The following RANBP17 variants were observed in gnomAD, a reference collection of about 807,000 sequenced individuals.
RANBP17 encodes ran-binding protein 17.
A neutral mutation model predicts 141.2 loss-of-function variants in RANBP17; 158 were observed. The ratio of observed to expected loss-of-function variants is 1.12; its 90% CI spans 0.98 to 1.28. The LOEUF is 1.28. RANBP17 is among the 50% of genes most tolerant of loss of function. The pLI is 0.00. For synonymous variants in RANBP17, 430 were observed against 450.0 expected, an observed-to-expected ratio of 0.96 and a Z score of 0.56; for missense variants, 1,438 against 1,290.7, an observed-to-expected ratio of 1.11 and a Z score of -1.75.
chr5:171,023,235 C>T (rs1781001604), intron 14 of RANBP17, among the ~76,000 whole-genome samples: 1 of 152,218 alleles, frequency 6.6e-6, no homozygotes, highest in African/African-American at 2.4e-5. Flanking sequence ...TGGCCCTGCC[C>T]CCAATATGCA....
At chr5:170,992,821 C>T (rs1778593576) in intron 14 of RANBP17, among the ~76,000 whole-genome samples, 1 of 151,916 alleles carries the variant, frequency 6.6e-6, no homozygotes, top group South Asian at 2.1e-4. Flanking sequence ...GTAGTGGCCT[C>T]AAACTGAGGT....
chr5:171,149,690 A>G (rs1484927931), intron 14 of RANBP17, among the ~76,000 whole-genome samples: 45 of 152,202 alleles, frequency 3.0e-4, no homozygotes, highest in Admixed American at 6.5e-5. Context: ...GTTTGCATCT[A>G]TCTATATTAA....
chr5:171,111,014 C>G (rs181960997), intron 14 of RANBP17, among the ~76,000 whole-genome samples: 2 of 151,884 alleles, frequency 1.3e-5, no homozygotes, highest in African/African-American at 4.8e-5. Context: ...CTCCCCTCTC[C>G]CCCCACCCCA....
At chr5:171,245,833 C>T (rs1765178280) in intron 24 of RANBP17, among the ~76,000 whole-genome samples, 1 of 150,622 alleles carries the variant, frequency 6.6e-6, no homozygotes, top group Non-Finnish European at 1.5e-5. Context: ...TGGCCTATTG[C>T]TTTTCAGTGG....
rs192470970 is a variant in RANBP17 at position 171,020,628 on chromosome 5, T to C, written c.1710+52251T>C. Among the ~76,000 whole-genome samples, 540 of 152,144 alleles carry C rather than the reference T, an allele frequency of 3.5e-3. 1 individual carries two copies. Among genetic ancestry groups the C allele is most frequent in the African/African-American group, 0.013 (524 of 41,474 alleles). On this transcript the variant is annotated intron_variant, in intron 14 of 27. Coordinates refer to ENST00000523189, the MANE Select transcript of RANBP17 (RefSeq NM_022897.5). ...TTTTTCTTGCTTTCCATTTGCTTGG[T>C]AAATTTTCCTCCATCCCTTTATCTT...
chr5:171,143,180 T>C lies in RANBP17; in HGVS notation c.1711-26950T>C, dbSNP rs140636840. The C allele has an allele frequency of 4.5e-4, 69 of 152,306 alleles. 1 individual carries two copies. Among genetic ancestry groups the C allele is most frequent in the African/African-American group, 1.5e-3 (63 of 41,574 alleles). 9.4% of individuals were successfully genotyped at this position (152,306 alleles called of 1,614,324 possible). A position where few individuals can be genotyped will look rare whatever the true frequency, so the allele number is the denominator to read the frequency against. On this transcript the variant is annotated intron_variant, in intron 14 of 27. Transcript: ENST00000523189. The stretch of plus-strand genomic sequence containing the variant: ...ATAATCCACTGTGGGAAAACAGAGT[T>C]CCAAATGGAAGTTTTTGTTCCTAAA...
At chr5:170,935,711 A>G (rs978546105) in intron 12 of RANBP17, among the ~76,000 whole-genome samples, 2 of 152,068 alleles carry the variant, frequency 1.3e-5, no homozygotes, top group African/African-American at 4.8e-5. Context: ...CCCTACTGGG[A>G]GGTGCCTCCC....
chr5:170,971,164 G>C (rs1460197024), intron 14 of RANBP17, among the ~76,000 whole-genome samples: 1 of 152,186 alleles, frequency 6.6e-6, no homozygotes, highest in Non-Finnish European at 1.5e-5. Context: ...AGCCTGTATA[G>C]ACAACAGAAT....
At position 170,881,915 on chromosome 5, in the gene RANBP17, T is replaced by G; in HGVS notation, c.256+19T>G. ...GACATCAGTAAGTGGCTTATTATGC[T>G]TTTTAACCAACTGCGCTTTAAAAAT... On this transcript the variant is annotated intron_variant, in intron 3 of 27. Coordinates refer to ENST00000523189, the MANE Select transcript of RANBP17 (RefSeq NM_022897.5). 3 of 1,516,792 alleles carry G rather than the reference T, an allele frequency of 2.0e-6. No individual in the cohort carries two copies. Among genetic ancestry groups the G allele is most frequent in the Non-Finnish European group, 2.7e-6 (3 of 1,111,330 alleles). The allele number at this position is 1,516,792 out of a possible 1,614,324, so 94.0% of individuals were successfully genotyped here. A position where few individuals can be genotyped will look rare whatever the true frequency, so the allele number is the denominator to read the frequency against.
intron 14 of RANBP17, among the ~76,000 whole-genome samples, chr5:171,168,583 C>T (rs1401514533): frequency 6.6e-6 from 1 of 152,008 alleles, no homozygotes; most frequent in Non-Finnish European, 1.5e-5. Context: ...TCATTAGAGC[C>T]CTCTTTGTGC....
At chr5:171,126,754 C>T (rs1032768095) in intron 14 of RANBP17, among the ~76,000 whole-genome samples, 2 of 152,132 alleles carry the variant, frequency 1.3e-5, no homozygotes, top group African/African-American at 4.8e-5. Context: ...ACACATACAA[C>T]TTACCAAAAT....
chr5:171,295,539 TG>T, intron 26 of RANBP17, among the ~76,000 whole-genome samples: 1 of 152,276 alleles, frequency 6.6e-6, no homozygotes, highest in South Asian at 2.1e-4. Flanking sequence ...TTCTTCAGTC[TG>T]GGGGCCCCTC....
intron 14 of RANBP17, among the ~76,000 whole-genome samples, chr5:170,997,299 T>A (rs1368120892): frequency 6.6e-6 from 1 of 152,166 alleles, no homozygotes; most frequent in Admixed American, 6.6e-5. Context: ...TATAGCAGTG[T>A]AAGAATGGAC....
chr5:171,162,459 A>G (rs1759420236), intron 14 of RANBP17, among the ~76,000 whole-genome samples: 1 of 152,126 alleles, frequency 6.6e-6, no homozygotes, highest in Admixed American at 6.5e-5. Context: ...GGCTCCCTGA[A>G]GGAAAGTAAG....
chr5:171,163,440 T>C (rs1759480482), intron 14 of RANBP17, among the ~76,000 whole-genome samples: 1 of 152,210 alleles, frequency 6.6e-6, no homozygotes, highest in Non-Finnish European at 1.5e-5. Flanking sequence ...CTCTATTCTT[T>C]CTTACACCTC....
chr5:170,919,734 C>T (rs989008875), intron 11 of RANBP17, 121 bp downstream of exon 11: 14 of 668,872 alleles, frequency 2.1e-5, no homozygotes, highest in Admixed American at 3.2e-5. Flanking sequence ...CTGACAAGTG[C>T]ACACAATTGT....
At chr5:170,950,393 A>AC (rs1775112019) in intron 12 of RANBP17, among the ~76,000 whole-genome samples, 1 of 152,000 alleles carries the variant, frequency 6.6e-6, no homozygotes, top group Non-Finnish European at 1.5e-5. Context: ...AAAAACAAAA[A>AC]AAAAATAACT....
intron 3 of RANBP17, among the ~76,000 whole-genome samples, chr5:170,889,464 CAA>C (rs767002376): frequency 3.9e-5 from 6 of 152,162 alleles, no homozygotes; most frequent in African/African-American, 1.4e-4. Context: ...AGGAAGCAAA[CAA>C]AAAATCGGAA....
intron 19 of RANBP17, among the ~76,000 whole-genome samples, chr5:171,201,658 G>A (rs1229208679): frequency 6.6e-6 from 1 of 152,232 alleles, no homozygotes; most frequent in East Asian, 1.9e-4. Flanking sequence ...TGCATTTGTT[G>A]TGACAGACCT....
Sources: allele counts gnomAD v4.1 joint callset (sites outside exome capture counted in the v4.1 genomes callset), GRCh38; gene constraint gnomAD v4.1.1; transcripts MANE v1.5; gene names NCBI Gene and HGNC (gene_info 2026-07-23, HGNC 2026-07-21).